NRG1: variants seen among roughly 807,000 people sequenced by gnomAD.
NRG1 encodes the protein pro-neuregulin-1, membrane-bound isoform.
Under a neutral mutation model 63.8 loss-of-function variants are expected in NRG1, and 18 were observed. The ratio of observed to expected loss-of-function variants is 0.28; its 90% CI spans 0.19 to 0.42. NRG1 has a LOEUF of 0.42. Ranked by LOEUF, NRG1 falls within the 10% of genes least tolerant of loss-of-function variation. The pLI, the probability that NRG1 is intolerant of heterozygous loss-of-function variation, is 1.00. For missense variants in NRG1, 762 were observed against 814.7 expected, an observed-to-expected ratio of 0.94 and a Z score of 0.79; for synonymous variants, 302 against 301.3, an observed-to-expected ratio of 1.00 and a Z score of -0.02.
chr8:32,316,472 C>CAAAA (rs60206972), intron 1 of NRG1, among the ~76,000 whole-genome samples: 1 of 125,260 alleles, frequency 8.0e-6, no homozygotes, highest in African/African-American at 3.1e-5. Flanking sequence ...GAGACTCCAT[C>CAAAA]AAAAAAAAAA....
chr8:32,004,365 C>T (rs1402319327), intron 1 of NRG1, among the ~76,000 whole-genome samples: 1 of 151,432 alleles, frequency 6.6e-6, no homozygotes, highest in Non-Finnish European at 1.5e-5. Flanking sequence ...CATAAAAGTG[C>T]ACAACACCGA....
chr8:32,161,135 C>T (rs544980543), intron 1 of NRG1, among the ~76,000 whole-genome samples: 2 of 152,120 alleles, frequency 1.3e-5, no homozygotes, highest in Non-Finnish European at 2.9e-5. Flanking sequence ...TCTAACCTAG[C>T]CCCACCCCTC....
intron 2 of NRG1, among the ~76,000 whole-genome samples, chr8:32,596,661 C>T (rs1843425985): frequency 1.3e-5 from 2 of 151,714 alleles, no homozygotes; most frequent in Non-Finnish European, 2.9e-5. Context: ...TTTAGAGTAC[C>T]AGTGCCTTAC....
intron 1 of NRG1, among the ~76,000 whole-genome samples, chr8:31,687,953 GACA>G: frequency 6.6e-6 from 1 of 152,350 alleles, no homozygotes; most frequent in South Asian, 2.1e-4. Flanking sequence ...ATTGTCCTCT[GACA>G]ACACTCCCTA....
intron 5 of NRG1, among the ~76,000 whole-genome samples, chr8:32,715,789 G>A (rs146290327): frequency 1.7e-3 from 258 of 152,112 alleles, no homozygotes; most frequent in African/African-American, 5.8e-3. Context: ...CTCCTGAGGC[G>A]TGTGCCACCA....
intron 1 of NRG1, among the ~76,000 whole-genome samples, chr8:32,208,682 G>A (rs1304828003): frequency 6.6e-6 from 1 of 152,130 alleles, no homozygotes; most frequent in Non-Finnish European, 1.5e-5. Flanking sequence ...GCTCCTGACA[G>A]TTGGATTTAC....
chr8:32,252,721 A>C (rs1249052577), intron 1 of NRG1, among the ~76,000 whole-genome samples: 3 of 152,160 alleles, frequency 2.0e-5, no homozygotes, highest in Non-Finnish European at 4.4e-5. Flanking sequence ...GTTTTATCTA[A>C]TTCTGTGAAG....
chr8:32,735,791 A>T (rs1031791038), intron 6 of NRG1, among the ~76,000 whole-genome samples: 1 of 152,240 alleles, frequency 6.6e-6, no homozygotes, highest in South Asian at 2.1e-4. Context: ...AGATTTAGGA[A>T]GGGCACCAAG....
intron 1 of NRG1, among the ~76,000 whole-genome samples, chr8:31,901,478 G>A (rs1484680627): frequency 6.6e-6 from 1 of 152,142 alleles, no homozygotes; most frequent in Non-Finnish European, 1.5e-5. Flanking sequence ...CTTCATTCCT[G>A]TGTTTGAAGC....
At chr8:32,735,547 C>A (rs1312349347) in intron 6 of NRG1, among the ~76,000 whole-genome samples, 2 of 152,102 alleles carry the variant, frequency 1.3e-5, no homozygotes, top group Admixed American at 6.6e-5. Context: ...CTCAGAACCC[C>A]TAAGCTGTTT....
At chr8:32,134,286 A>G (rs971910422) in intron 1 of NRG1, among the ~76,000 whole-genome samples, 3 of 152,146 alleles carry the variant, frequency 2.0e-5, no homozygotes, top group Non-Finnish European at 4.4e-5. Flanking sequence ...TTGCTTATTA[A>G]GTAGATAGGA....
At chr8:32,137,432 A>AC in intron 1 of NRG1, among the ~76,000 whole-genome samples, 2 of 152,076 alleles carry the variant, frequency 1.3e-5, no homozygotes, top group East Asian at 3.9e-4. Flanking sequence ...ACAGAGTGAG[A>AC]CCCCATCTCA....
intron 1 of NRG1, among the ~76,000 whole-genome samples, chr8:31,837,855 A>G (rs762516371): frequency 1.3e-5 from 2 of 152,046 alleles, no homozygotes; most frequent in Non-Finnish European, 2.9e-5. Flanking sequence ...GTGTATATGT[A>G]CTGTGTTTTC....
At chr8:32,352,183 G>C (rs1266128651) in intron 1 of NRG1, among the ~76,000 whole-genome samples, 1 of 149,388 alleles carries the variant, frequency 6.7e-6, no homozygotes, top group Non-Finnish European at 1.5e-5. Flanking sequence ...GGTGTATGCA[G>C]TGTGTGTCAG....
At chr8:32,037,184 CTTCTT>C in intron 1 of NRG1, among the ~76,000 whole-genome samples, 4 of 152,162 alleles carry the variant, frequency 2.6e-5, no homozygotes, top group Admixed American at 2.6e-4. Flanking sequence ...CAGTCAGGAC[CTTCTT>C]ACATAGGGCT....
At chr8:31,895,371 C>G (rs933807047) in intron 1 of NRG1, among the ~76,000 whole-genome samples, 1 of 152,238 alleles carries the variant, frequency 6.6e-6, no homozygotes. Context: ...GGCTTGAGTA[C>G]CTGGCTTTCA....
intron 1 of NRG1, among the ~76,000 whole-genome samples, chr8:31,849,834 G>C (rs1021000837): frequency 6.6e-6 from 1 of 152,132 alleles, no homozygotes; most frequent in African/African-American, 2.4e-5. Context: ...ATCTGAGTCA[G>C]TAATGTACTT....
At chr8:32,133,202 A>G (rs1835075549) in intron 1 of NRG1, among the ~76,000 whole-genome samples, 1 of 152,086 alleles carries the variant, frequency 6.6e-6, no homozygotes, top group Admixed American at 6.6e-5. Context: ...TGGCAGGAAA[A>G]AGAATTCATA....
chr8:32,654,024 A>G (rs1855730004), intron 5 of NRG1, among the ~76,000 whole-genome samples: 1 of 152,002 alleles, frequency 6.6e-6, no homozygotes, highest in South Asian at 2.1e-4. Flanking sequence ...AGTATCTTAT[A>G]ATCATAGAAT....
Sources: allele counts gnomAD v4.1 joint callset (sites outside exome capture counted in the v4.1 genomes callset), GRCh38; gene constraint gnomAD v4.1.1; transcripts MANE v1.5; gene names NCBI Gene and HGNC (gene_info 2026-07-23, HGNC 2026-07-21).